The following ARHGAP42 variants were observed in gnomAD, a reference collection of about 807,000 sequenced individuals.
ARHGAP42 encodes rho GTPase-activating protein 42.
ARHGAP42 carries 63 observed loss-of-function variants against 125.0 expected under a neutral mutation model. That is an observed-to-expected ratio of 0.50 (90% CI 0.41 to 0.62). The LOEUF (loss-of-function observed/expected upper bound fraction) is 0.62, where lower values mean the gene tolerates loss of function less well. ARHGAP42 is among the 20% of genes least tolerant of loss of function. The pLI, the probability that ARHGAP42 is intolerant of heterozygous loss-of-function variation, is 0.00. For missense variants in ARHGAP42, 766 were observed against 1,024.2 expected, an observed-to-expected ratio of 0.75 and a Z score of 3.44; for synonymous variants, 339 against 351.0, an observed-to-expected ratio of 0.97 and a Z score of 0.38.
At chr11:100,804,530 T>C (rs981214861) in intron 3 of ARHGAP42, among the ~76,000 whole-genome samples, 3 of 151,610 alleles carry the variant, frequency 2.0e-5, no homozygotes, top group Non-Finnish European at 4.4e-5. Context: ...TTTAGATGTA[T>C]ATTTTTTAAT....
intron 3 of ARHGAP42, among the ~76,000 whole-genome samples, chr11:100,797,314 C>T (rs2135036357): frequency 6.6e-6 from 1 of 152,208 alleles, no homozygotes; most frequent in African/African-American, 2.4e-5. Flanking sequence ...AACAGCCTTC[C>T]CTTGGAAGAA....
intron 2 of ARHGAP42, among the ~76,000 whole-genome samples, chr11:100,792,688 T>G (rs1863592651): frequency 6.6e-6 from 1 of 152,228 alleles, no homozygotes; most frequent in African/African-American, 2.4e-5. Context: ...CTACTTAGTT[T>G]ATTGTGATTG....
intron 9 of ARHGAP42, among the ~76,000 whole-genome samples, chr11:100,943,124 C>T (rs1867925279): frequency 6.6e-6 from 1 of 151,890 alleles, no homozygotes; most frequent in Admixed American, 6.6e-5. Flanking sequence ...ACCAGCAAAA[C>T]AATCACATTG....
At chr11:100,848,904 C>T (rs1055472404) in intron 3 of ARHGAP42, among the ~76,000 whole-genome samples, 1 of 152,096 alleles carries the variant, frequency 6.6e-6, no homozygotes, top group Admixed American at 6.6e-5. Flanking sequence ...TCTGCTTTAC[C>T]TTATTATCTG....
At chr11:100,745,607 T>C (rs564212588) in intron 1 of ARHGAP42, among the ~76,000 whole-genome samples, 119 of 152,332 alleles carry the variant, frequency 7.8e-4, no homozygotes, top group Middle Eastern at 3.4e-3. Context: ...CAGAGAGCAG[T>C]CAGACCTTGA....
chr11:100,937,423 T>A (rs1174949928), intron 8 of ARHGAP42, among the ~76,000 whole-genome samples: 1 of 152,200 alleles, frequency 6.6e-6, no homozygotes, highest in African/African-American at 2.4e-5. Flanking sequence ...AATTTTTATT[T>A]TTTTTTTATT....
At chr11:100,728,283 A>G (rs1302919354) in intron 1 of ARHGAP42, among the ~76,000 whole-genome samples, 1 of 152,144 alleles carries the variant, frequency 6.6e-6, no homozygotes, top group Non-Finnish European at 1.5e-5. Flanking sequence ...CACCTGCAAA[A>G]GGGGTGGGAT....
At chr11:100,727,483 G>A (rs972370421) in intron 1 of ARHGAP42, among the ~76,000 whole-genome samples, 6 of 152,134 alleles carry the variant, frequency 3.9e-5, no homozygotes, top group South Asian at 4.1e-4. Flanking sequence ...GCTGGTCACC[G>A]GAAAGAGTCC....
At chr11:100,869,367 C>T (rs1005577157) in intron 4 of ARHGAP42, among the ~76,000 whole-genome samples, 1 of 151,354 alleles carries the variant, frequency 6.6e-6, no homozygotes, top group Non-Finnish European at 1.5e-5. Context: ...GGGCACTATA[C>T]TATCCCTGCA....
At chr11:100,776,152 T>C (rs1340810603) in intron 2 of ARHGAP42, among the ~76,000 whole-genome samples, 4 of 90,704 alleles carry the variant, frequency 4.4e-5, no homozygotes, top group Non-Finnish European at 9.6e-5. Flanking sequence ...AGAGCAAAAC[T>C]CCATTTCAAA....
chr11:100,935,656 TCACA>T (rs370952044), intron 7 of ARHGAP42, among the ~76,000 whole-genome samples: 6 of 140,556 alleles, frequency 4.3e-5, no homozygotes, highest in South Asian at 2.3e-4. Context: ...AGGAAGAAGG[TCACA>T]CACACACACA....
At chr11:100,838,041 C>G (rs1401068901) in intron 3 of ARHGAP42, among the ~76,000 whole-genome samples, 1 of 150,904 alleles carries the variant, frequency 6.6e-6, no homozygotes, top group Non-Finnish European at 1.5e-5. Flanking sequence ...CCCTCGCTAA[C>G]TGCCTGCCTC....
At chr11:100,748,944 C>G (rs746303935) in intron 1 of ARHGAP42, among the ~76,000 whole-genome samples, 19 of 152,114 alleles carry the variant, frequency 1.2e-4, no homozygotes, top group Non-Finnish European at 4.4e-5. Flanking sequence ...CTGACTCTGT[C>G]TCTTTCTCTC....
intron 1 of ARHGAP42, among the ~76,000 whole-genome samples, chr11:100,762,432 AGT>A (rs1407787088): frequency 6.6e-6 from 1 of 152,144 alleles, no homozygotes; most frequent in African/African-American, 2.4e-5. Flanking sequence ...GCTTCATGGC[AGT>A]GTTTCTCAAG....
At position 100,992,737 on chromosome 11, in the gene ARHGAP42, T is replaced by C; in HGVS notation, c.*3936T>C. On this transcript the variant is annotated 3_prime_UTR_variant, in exon 24 of 24. Coordinates refer to ENST00000298815, the MANE Select transcript of ARHGAP42 (RefSeq NM_152432.4). Reference sequence around the variant, plus strand: ...AGGATCAAATCAATAAATTGGATTTTTTATTTTTTGAGGGCAGCTGCCCTC... The same window carrying C: ...AGGATCAAATCAATAAATTGGATTTCTTATTTTTTGAGGGCAGCTGCCCTC... 1 of 1,526,774 alleles carries C rather than the reference T, an allele frequency of 6.5e-7. No homozygotes were observed. Among genetic ancestry groups the C allele is most frequent in the Non-Finnish European group, 8.8e-7 (1 of 1,140,574 alleles). 94.6% of individuals were successfully genotyped at this position (1,526,774 alleles called of 1,614,324 possible).
chr11:100,907,016 G>A (rs1217953278), intron 4 of ARHGAP42, among the ~76,000 whole-genome samples: 2 of 152,200 alleles, frequency 1.3e-5, no homozygotes, highest in African/African-American at 2.4e-5. Flanking sequence ...ACACCCAGAA[G>A]TTGGTTCTTA....
chr11:100,986,456 C>T, intron 22 of ARHGAP42: 1 of 195,430 alleles, frequency 5.1e-6, no homozygotes. Flanking sequence ...GGGAGACCAC[C>T]CGGCACCTGA....
At chr11:100,737,529 C>A (rs916181007) in intron 1 of ARHGAP42, among the ~76,000 whole-genome samples, 1 of 152,078 alleles carries the variant, frequency 6.6e-6, no homozygotes, top group East Asian at 1.9e-4. Flanking sequence ...TCATGTGTTT[C>A]CATTTCTTTT....
At chr11:100,720,142 G>C (rs1160276170) in intron 1 of ARHGAP42, among the ~76,000 whole-genome samples, 1 of 152,198 alleles carries the variant, frequency 6.6e-6, no homozygotes, top group Non-Finnish European at 1.5e-5. Flanking sequence ...GCCCCAGAAG[G>C]CACACCGTGG....
Sources: allele counts gnomAD v4.1 joint callset (sites outside exome capture counted in the v4.1 genomes callset), GRCh38; gene constraint gnomAD v4.1.1; transcripts MANE v1.5; gene names NCBI Gene and HGNC (gene_info 2026-07-23, HGNC 2026-07-21).